Variants in TTC6 observed in about 807,000 individuals in gnomAD.
TTC6 encodes tetratricopeptide repeat protein 6.
Under a neutral mutation model 210.4 loss-of-function variants are expected in TTC6, and 172 were observed. That is an observed-to-expected ratio of 0.82 (90% CI 0.72 to 0.93). TTC6 has a LOEUF of 0.93. Ranked by LOEUF, TTC6 falls within the 40% of genes least tolerant of loss-of-function variation. The probability of loss-of-function intolerance (pLI) is 0.00; values close to 1 mark genes in which losing one functional copy is unlikely to be tolerated. For synonymous variants in TTC6, 804 were observed against 819.6 expected, an observed-to-expected ratio of 0.98 and a Z score of 0.32; for missense variants, 2,414 against 2,318.1, an observed-to-expected ratio of 1.04 and a Z score of -0.85.
chr14:37,660,580 C>G (rs778739285), intron 1 of TTC6, among the ~76,000 whole-genome samples: 5 of 152,186 alleles, frequency 3.3e-5, no homozygotes, highest in Non-Finnish European at 5.9e-5. Flanking sequence ...TTTTCTTTAT[C>G]CAGTCCATCA....
chr14:37,609,698 C>T (rs1024572838), intron 2 of TTC6, among the ~76,000 whole-genome samples: 4 of 151,994 alleles, frequency 2.6e-5, no homozygotes, highest in Non-Finnish European at 5.9e-5. Flanking sequence ...TTCAAGGTTA[C>T]ATTAATTTGA....
chr14:37,683,727 A>G (rs2138568606), intron 3 of TTC6, among the ~76,000 whole-genome samples: 1 of 152,040 alleles, frequency 6.6e-6, no homozygotes, highest in Non-Finnish European at 1.5e-5. Context: ...TATAAGGTTC[A>G]GTACTATCCA....
At chr14:37,727,151 G>C (rs1415106270) in intron 7 of TTC6, among the ~76,000 whole-genome samples, 1 of 151,720 alleles carries the variant, frequency 6.6e-6, no homozygotes, top group Non-Finnish European at 1.5e-5. Context: ...AAACACATGA[G>C]TTTAACCCAC....
chr14:37,746,253 A>G (rs2138999624), intron 10 of TTC6, among the ~76,000 whole-genome samples: 1 of 152,210 alleles, frequency 6.6e-6, no homozygotes, highest in Non-Finnish European at 1.5e-5. Context: ...TGAGGTCAGC[A>G]CCCACAAGGC....
chr14:37,737,256 G>T (rs1255701240), intron 8 of TTC6, among the ~76,000 whole-genome samples: 1 of 152,040 alleles, frequency 6.6e-6, no homozygotes, highest in Non-Finnish European at 1.5e-5. Context: ...CATGATTAGA[G>T]GTGACTGTCC....
chr14:37,693,867 A>C (rs981331433), intron 3 of TTC6, among the ~76,000 whole-genome samples: 10 of 152,104 alleles, frequency 6.6e-5, no homozygotes, highest in African/African-American at 2.2e-4. Flanking sequence ...TGGGAAAATG[A>C]TATCCATATG....
At chr14:37,818,982 AG>A (rs1349265568) in intron 26 of TTC6, among the ~76,000 whole-genome samples, 1 of 152,208 alleles carries the variant, frequency 6.6e-6, no homozygotes, top group Non-Finnish European at 1.5e-5. Context: ...CATTAGAGCC[AG>A]TAAATTTCTC....
chr14:37,654,568 T>G (rs1265407119), intron 1 of TTC6, among the ~76,000 whole-genome samples: 1 of 152,170 alleles, frequency 6.6e-6, no homozygotes, highest in Non-Finnish European at 1.5e-5. Context: ...CAATTAAACT[T>G]CTTTTCTTAT....
intron 1 of TTC6, among the ~76,000 whole-genome samples, chr14:37,633,565 A>G (rs148473566): frequency 0.023 from 3,462 of 152,270 alleles, 61 homozygotes; most frequent in South Asian, 0.071. Flanking sequence ...AGCTGTTCCT[A>G]TTCAGCCATC....
intron 3 of TTC6, among the ~76,000 whole-genome samples, chr14:37,689,555 A>G (rs2095799912): frequency 6.6e-6 from 1 of 152,198 alleles, no homozygotes; most frequent in African/African-American, 2.4e-5. Flanking sequence ...GGATAAAGAA[A>G]GGATTTCAAA....
At chr14:37,809,923 C>T (rs2096126365) in intron 24 of TTC6, among the ~76,000 whole-genome samples, 1 of 152,164 alleles carries the variant, frequency 6.6e-6, no homozygotes. Flanking sequence ...TTATTCCTGC[C>T]CATGTCCATA....
chr14:37,624,157 T>C (rs2095656243), intron 1 of TTC6, among the ~76,000 whole-genome samples: 1 of 152,246 alleles, frequency 6.6e-6, no homozygotes, highest in Non-Finnish European at 1.5e-5. Flanking sequence ...CAAGAGTCTC[T>C]GGTGTTGCCT....
exon 1 of TTC6, chr14:37,622,701 G>GGCTACATGGAGGCCA: frequency 6.5e-7 from 1 of 1,535,086 alleles, no homozygotes; most frequent in Non-Finnish European, 8.7e-7. Context: ...CGCAGAGGAC[G>GGCTACATGGAGGCCA]GCTACATGGA....
chr14:37,755,853 T>C (rs577799254), intron 14 of TTC6, among the ~76,000 whole-genome samples: 5 of 152,316 alleles, frequency 3.3e-5, no homozygotes, highest in Admixed American at 6.5e-5. Flanking sequence ...TGTGGTTCCA[T>C]ATGAACTTTA....
intron 1 of TTC6, among the ~76,000 whole-genome samples, chr14:37,641,838 C>T (rs2095692403): frequency 6.6e-6 from 1 of 152,046 alleles, no homozygotes; most frequent in Admixed American, 6.6e-5. Context: ...GGGAGGTAAC[C>T]TGATGAATTT....
chr14:37,821,023 CTCT>C lies in TTC6; in HGVS notation c.4764-2697_4764-2695del, dbSNP rs10599374. 8.7e-3 allele frequency among the ~76,000 whole-genome samples: 1,260 copies of C among 145,408 alleles called. 11 individuals carry two copies. The highest frequency in any genetic ancestry group is 0.027 in the African/African-American group (1,031 of 38,778). On this transcript the variant is annotated intron_variant, in intron 26 of 30. Coordinates refer to ENST00000553443, the Ensembl canonical transcript of TTC6. ...CCTCTTGCTCTTCTTCTTCTTCTTC[CTCT>C]TCTTCTTCTTCTTCTTCTTCTTCTT... is the stretch of plus-strand genomic sequence containing the variant.
chr14:37,705,261 A>G (rs1022570448), intron 5 of TTC6, among the ~76,000 whole-genome samples: 3 of 152,198 alleles, frequency 2.0e-5, no homozygotes, highest in African/African-American at 7.2e-5. Flanking sequence ...AGCTTTATAC[A>G]TTAGAACAGC....
At chr14:37,711,965 A>G (rs71407716) in intron 5 of TTC6, among the ~76,000 whole-genome samples, 8,722 of 152,236 alleles carry the variant, frequency 0.057, 386 homozygotes, top group Non-Finnish European at 0.09. Flanking sequence ...TTTTTCAAAG[A>G]GAACTCTAGA....
chr14:37,779,784 G>T (rs2096048946), intron 14 of TTC6, among the ~76,000 whole-genome samples: 1 of 152,114 alleles, frequency 6.6e-6, no homozygotes, highest in Admixed American at 6.6e-5. Context: ...CAAATTAGTT[G>T]GAGGAGAACA....
Sources: allele counts gnomAD v4.1 joint callset (sites outside exome capture counted in the v4.1 genomes callset), GRCh38; gene constraint gnomAD v4.1.1; transcripts MANE v1.5; gene names NCBI Gene and HGNC (gene_info 2026-07-23, HGNC 2026-07-21).